FRMD4B: variants seen among roughly 807,000 people sequenced by gnomAD.
FRMD4B encodes FERM domain-containing protein 4B.
Under a neutral mutation model 141.5 loss-of-function variants are expected in FRMD4B, and 74 were observed. That is an observed-to-expected ratio of 0.52 (90% CI 0.43 to 0.63). The LOEUF (loss-of-function observed/expected upper bound fraction) is 0.63, where lower values mean the gene tolerates loss of function less well. Among genes scored for constraint, FRMD4B ranks in the 30% least tolerant of loss-of-function variants. The pLI is 0.00. For missense variants in FRMD4B, 1,366 were observed against 1,253.4 expected, an observed-to-expected ratio of 1.09 and a Z score of -1.36; for synonymous variants, 506 against 467.9, an observed-to-expected ratio of 1.08 and a Z score of -1.05.
chr3:69,226,238 C>G (rs996010620), intron 7 of FRMD4B, among the ~76,000 whole-genome samples: 2 of 152,158 alleles, frequency 1.3e-5, no homozygotes, highest in Non-Finnish European at 2.9e-5. Context: ...ATAAATCTCT[C>G]TATTCATTTG....
chr3:69,201,755 T>C (rs2092970108), intron 11 of FRMD4B, among the ~76,000 whole-genome samples: 1 of 152,148 alleles, frequency 6.6e-6, no homozygotes, highest in Non-Finnish European at 1.5e-5. Context: ...CTGAGGTGAA[T>C]TCATTTGCTG....
intron 5 of FRMD4B, among the ~76,000 whole-genome samples, chr3:69,270,335 G>A (rs2093588215): frequency 6.6e-6 from 1 of 152,140 alleles, no homozygotes; most frequent in Admixed American, 6.5e-5. Flanking sequence ...CCTCCTTAGG[G>A]CTCTTAGGCA....
chr3:69,182,032 A>C (rs542382926), intron 20 of FRMD4B, among the ~76,000 whole-genome samples: 1 of 152,170 alleles, frequency 6.6e-6, no homozygotes, highest in South Asian at 2.1e-4. Flanking sequence ...AAAAACAAAA[A>C]CAAAAAACCC....
chr3:69,215,408 T>G (rs1249682414), intron 11 of FRMD4B, among the ~76,000 whole-genome samples: 1 of 148,926 alleles, frequency 6.7e-6, no homozygotes, highest in Non-Finnish European at 1.5e-5. Context: ...TGCTCGTGCC[T>G]CAGCCTCCCG....
intron 16 of FRMD4B, among the ~76,000 whole-genome samples, chr3:69,194,740 A>G (rs985763518): frequency 6.6e-6 from 1 of 152,236 alleles, no homozygotes; most frequent in Non-Finnish European, 1.5e-5. Context: ...TAAGTAAACA[A>G]ACCTAATGCT....
intron 1 of FRMD4B, among the ~76,000 whole-genome samples, chr3:69,324,395 T>A (rs978518256): frequency 6.6e-6 from 1 of 152,264 alleles, no homozygotes; most frequent in African/African-American, 2.4e-5. Context: ...TTCTTGGCAC[T>A]ATTATATACC....
In FRMD4B at chr3:69,213,685, C is replaced by G. The variant is rs2093110156; in HGVS notation, c.876+2578G>C. 5.7e-5 allele frequency among the ~76,000 whole-genome samples: 8 copies of G among 139,978 alleles called. No homozygotes were observed. In the South Asian group the frequency reaches 1.8e-3, roughly 32 times the overall value. The allele number at this position is 139,978 out of a possible 152,430, so 91.8% of individuals were successfully genotyped here. On this transcript the variant is annotated intron_variant, in intron 11 of 22. Transcript: ENST00000398540. ...GATTTTTTTTTTTTTTTTTCTGACA[C>G]AAGGTTTTGCTCTGTCACCCAGGCC...
chr3:69,507,034 AC>A (rs1706607451), intron 1 of FRMD4B, among the ~76,000 whole-genome samples: 5 of 152,176 alleles, frequency 3.3e-5, no homozygotes, highest in Admixed American at 2.0e-4. Flanking sequence ...TTGAGTGTGG[AC>A]CTTCATAGAG....
chr3:69,371,508 A>G (rs1271336023), intron 1 of FRMD4B, among the ~76,000 whole-genome samples: 2 of 152,178 alleles, frequency 1.3e-5, no homozygotes, highest in Non-Finnish European at 1.5e-5. Context: ...TACTTTGAAC[A>G]AAATCGCACT....
intron 2 of FRMD4B, among the ~76,000 whole-genome samples, chr3:69,409,273 T>C (rs559236287): frequency 1.3e-5 from 2 of 152,324 alleles, no homozygotes; most frequent in South Asian, 2.1e-4. Flanking sequence ...AACTTCTCTC[T>C]TTGAGTTGGA....
chr3:69,501,555 A>G lies in FRMD4B; in HGVS notation c.-129+40651T>C, dbSNP rs138390402. Among the ~76,000 whole-genome samples the G allele has an allele frequency of 3.8e-4, 58 of 152,264 alleles. 2 individuals carry two copies. Among genetic ancestry groups the G allele is most frequent in the African/African-American group, 1.1e-3 (46 of 41,550 alleles). On this transcript the variant is annotated intron_variant, in intron 1 of 5. Transcript: ENST00000459638. ...AAACATAGCTCAACACAGAAGTTTT[A>G]TAAGGCTGAGGTAATATCACACTGA...
rs1005504773 is a variant in FRMD4B at position 69,541,798 on chromosome 3, T to C, written c.-129+408A>G. On this transcript the variant is annotated intron_variant, in intron 1 of 5. Transcript: ENST00000459638. ...GCTAACTCCAGGGATTTCCCCCCCC[T>C]CTTTTCGCTGCCTTTTAGAAGTATC... Among the ~76,000 whole-genome samples, 462 of 116,170 alleles carry C rather than the reference T, an allele frequency of 4.0e-3. 1 individual carries two copies. Among genetic ancestry groups the C allele is most frequent in the Non-Finnish European group, 5.9e-3 (309 of 52,416 alleles). The allele number at this position is 116,170 out of a possible 152,430, so 76.2% of individuals were successfully genotyped here.
intron 1 of FRMD4B, among the ~76,000 whole-genome samples, chr3:69,494,530 AG>A (rs2107035942): frequency 6.6e-6 from 1 of 152,332 alleles, no homozygotes; most frequent in East Asian, 1.9e-4. Flanking sequence ...CAATCATGAA[AG>A]CCAAAGGCTG....
At chr3:69,406,325 A>C (rs1003799913) in intron 2 of FRMD4B, among the ~76,000 whole-genome samples, 1 of 152,202 alleles carries the variant, frequency 6.6e-6, no homozygotes, top group African/African-American at 2.4e-5. Context: ...CTCACAGCTC[A>C]CAACTTTGCT....
chr3:69,506,268 G>A (rs776420171), intron 1 of FRMD4B, among the ~76,000 whole-genome samples: 3 of 151,978 alleles, frequency 2.0e-5, no homozygotes, highest in Admixed American at 6.6e-5. Flanking sequence ...GAAGACTGGC[G>A]GGGACTCATA....
intron 11 of FRMD4B, among the ~76,000 whole-genome samples, chr3:69,214,554 C>T (rs890138322): frequency 6.6e-6 from 1 of 152,096 alleles, no homozygotes; most frequent in African/African-American, 2.4e-5. Flanking sequence ...TACACTTGAG[C>T]TTGGATCAAG....
intron 4 of FRMD4B, among the ~76,000 whole-genome samples, chr3:69,294,711 G>A (rs979538603): frequency 1.3e-5 from 2 of 152,182 alleles, no homozygotes; most frequent in Admixed American, 1.3e-4. Context: ...AGGAAGGGGA[G>A]AGAGTCTTCT....
chr3:69,512,358 T>G (rs189734308), intron 1 of FRMD4B, among the ~76,000 whole-genome samples: 1 of 152,342 alleles, frequency 6.6e-6, no homozygotes, highest in African/African-American at 2.4e-5. Flanking sequence ...ACCGCATAAT[T>G]TCTTGGGTTA....
intron 11 of FRMD4B, among the ~76,000 whole-genome samples, chr3:69,206,985 C>T (rs562411756): frequency 6.6e-6 from 1 of 152,196 alleles, no homozygotes; most frequent in Non-Finnish European, 1.5e-5. Context: ...CCAAACCAGC[C>T]AATCATTGGT....
Sources: gnomAD v4.1 joint callset for allele counts (sites outside exome capture counted in the v4.1 genomes callset) on GRCh38, gnomAD v4.1.1 for gene constraint, MANE v1.5 for transcripts, NCBI Gene and HGNC (gene_info 2026-07-23, HGNC 2026-07-21) for gene names.